Variants in SHISA9 observed in about 807,000 individuals in gnomAD.
The protein encoded by SHISA9 is shisa family member 9, also known as protein shisa-9.
Under a neutral mutation model 38.0 loss-of-function variants are expected in SHISA9, and 13 were observed. The ratio of observed to expected loss-of-function variants is 0.34; its 90% CI spans 0.22 to 0.54. SHISA9 has a LOEUF of 0.54. SHISA9 is among the 20% of genes least tolerant of loss of function. The pLI is 0.91. For synonymous variants in SHISA9, 275 were observed against 242.0 expected, an observed-to-expected ratio of 1.14 and a Z score of -1.27; for missense variants, 538 against 575.8, an observed-to-expected ratio of 0.93 and a Z score of 0.67.
chr16:13,076,029 A>ATT lies in SHISA9; in HGVS notation c.692-127347_692-127346dup, dbSNP rs35313169. ...AAAATCAACCCCCATTGAGAAATAG[A>ATT]TTTTTTTTTTTTTTTTTTTGAGATG... On this transcript the variant is annotated intron_variant, in intron 2 of 4. Coordinates refer to ENST00000558583, the MANE Select transcript of SHISA9 (RefSeq NM_001145204.3). Among the ~76,000 whole-genome samples, 601 of 135,474 alleles carry ATT rather than the reference A, an allele frequency of 4.4e-3. 4 individuals carry two copies. Among genetic ancestry groups the ATT allele is most frequent in the Non-Finnish European group, 4.3e-3 (270 of 62,718 alleles). The allele number at this position is 135,474 out of a possible 152,430, so 88.9% of individuals were successfully genotyped here.
At chr16:13,166,840 T>G (rs193269847) in intron 2 of SHISA9, among the ~76,000 whole-genome samples, 2 of 152,234 alleles carry the variant, frequency 1.3e-5, no homozygotes, top group African/African-American at 4.8e-5. Context: ...GAACACTCTA[T>G]CAAGATGCTT....
In SHISA9 at chr16:13,216,340, T is replaced by C. The variant is rs183127030; in HGVS notation, c.895+3040T>C. ...TTTCTGATCTGCAAAATGGAGACCA[T>C]CATATCACCTACCTCCTAGGTCGTT... On this transcript the variant is annotated intron_variant, in intron 4 of 4. Coordinates refer to ENST00000558583, the MANE Select transcript of SHISA9 (RefSeq NM_001145204.3). 2.0e-5 allele frequency among the ~76,000 whole-genome samples: 3 copies of C among 152,258 alleles called. No homozygotes were observed. In the East Asian group the frequency reaches 5.8e-4, roughly 29 times the overall value.
intron 4 of SHISA9, among the ~76,000 whole-genome samples, chr16:13,223,906 C>T (rs967617886): frequency 6.6e-6 from 1 of 152,150 alleles, no homozygotes; most frequent in African/African-American, 2.4e-5. Context: ...CAGGCAAAAG[C>T]TTCCATAAAT....
At chr16:13,344,327 A>G in the SHISA9 span, among the ~76,000 whole-genome samples, 1 of 152,156 alleles carries the variant, frequency 6.6e-6, no homozygotes, top group Non-Finnish European at 1.5e-5. Context: ...CAATTCATCT[A>G]CGAAAGGTTT....
chr16:13,124,232 T>C (rs2050237539), intron 2 of SHISA9, among the ~76,000 whole-genome samples: 1 of 152,212 alleles, frequency 6.6e-6, no homozygotes, highest in Admixed American at 6.5e-5. Context: ...ACAACATTGC[T>C]CACACTATTT....
chr16:13,307,438 A>C, the SHISA9 span, among the ~76,000 whole-genome samples: 1 of 152,166 alleles, frequency 6.6e-6, no homozygotes, highest in Non-Finnish European at 1.5e-5. Context: ...GTGAAAGGGG[A>C]TACGCTTTCT....
intron 1 of SHISA9, chr16:12,910,726 A>G: frequency 1.0e-6 from 1 of 985,110 alleles, no homozygotes; most frequent in Non-Finnish European, 1.2e-6. Context: ...TCTTCAGGTA[A>G]CTGCAAGAGA....
intron 2 of SHISA9, among the ~76,000 whole-genome samples, chr16:13,082,150 A>G (rs1016618600): frequency 2.0e-5 from 3 of 152,284 alleles, no homozygotes; most frequent in Non-Finnish European, 4.4e-5. Context: ...TATTTGAAGC[A>G]GTGTGAGGTA....
At position 13,019,882 on chromosome 16, in the gene SHISA9, CCCTTCTTTCTTTCTTTCTTTCTTTCTTT is replaced by C. The variant is rs1211004235; in HGVS notation, c.691+103069_691+103096del. Among the ~76,000 whole-genome samples, 121 of 20,380 alleles carry C rather than the reference CCCTTCTTTCTTTCTTTCTTTCTTTCTTT, an allele frequency of 5.9e-3. 7 individuals are homozygous for C. Among genetic ancestry groups the C allele is most frequent in the Non-Finnish European group, 6.7e-3 (70 of 10,454 alleles). The allele number at this position is 20,380 out of a possible 152,430, so 13.4% of individuals were successfully genotyped here. ...TCCCTCCCTCCCTCCCTCCCTCCCT[CCCTTCTTTCTTTCTTTCTTTCTTTCTTT>C]CTTTCTTTCTTTCTTTCTTTCTTTC... On this transcript the variant is annotated intron_variant, in intron 2 of 4. Transcript: ENST00000558583.
the SHISA9 span, among the ~76,000 whole-genome samples, chr16:13,295,306 C>T: frequency 5.3e-5 from 8 of 152,080 alleles, no homozygotes; most frequent in African/African-American, 1.4e-4. Flanking sequence ...ATTATCTGAC[C>T]GAAAGAGTTG....
chr16:13,351,640 T>C, the SHISA9 span, among the ~76,000 whole-genome samples: 2 of 152,184 alleles, frequency 1.3e-5, no homozygotes, highest in Non-Finnish European at 2.9e-5. Flanking sequence ...GAAAACTGCA[T>C]CTCCCCTTCT....
At chr16:13,229,283 G>A (rs916124790) in intron 4 of SHISA9, among the ~76,000 whole-genome samples, 2 of 152,214 alleles carry the variant, frequency 1.3e-5, no homozygotes, top group Non-Finnish European at 2.9e-5. Flanking sequence ...GATAATGAAT[G>A]AACTGCACAA....
chr16:12,918,660 G>A (rs999803076), intron 2 of SHISA9, among the ~76,000 whole-genome samples: 3 of 152,142 alleles, frequency 2.0e-5, no homozygotes, highest in South Asian at 4.1e-4. Flanking sequence ...TGATTCTTGC[G>A]TTTGGTCTAT....
chr16:13,513,946 TAACA>T, the SHISA9 span, among the ~76,000 whole-genome samples: 1 of 152,336 alleles, frequency 6.6e-6, no homozygotes, highest in East Asian at 1.9e-4. Flanking sequence ...TATACCTATG[TAACA>T]AACCTGCATG....
intron 2 of SHISA9, among the ~76,000 whole-genome samples, chr16:13,200,115 A>G (rs1424124019): frequency 6.6e-6 from 1 of 152,160 alleles, no homozygotes; most frequent in African/African-American, 2.4e-5. Context: ...CCAGAATTCC[A>G]GAGTGGGATT....
intron 2 of SHISA9, among the ~76,000 whole-genome samples, chr16:13,083,884 C>T (rs1429282443): frequency 6.6e-6 from 1 of 152,090 alleles, no homozygotes; most frequent in Admixed American, 6.6e-5. Context: ...GGCAGGGCAC[C>T]AACGGTATCC....
the SHISA9 span, among the ~76,000 whole-genome samples, chr16:13,538,854 A>C: frequency 6.6e-6 from 1 of 152,180 alleles, no homozygotes; most frequent in African/African-American, 2.4e-5. Flanking sequence ...TCACAGCTCC[A>C]CACAAAACTT....
chr16:13,259,954 C>G, the SHISA9 span, among the ~76,000 whole-genome samples: 1 of 148,016 alleles, frequency 6.8e-6, no homozygotes, highest in Non-Finnish European at 1.5e-5. Flanking sequence ...ATGCAAATTT[C>G]TACAGCCAGC....
At chr16:13,284,407 C>T in the SHISA9 span, among the ~76,000 whole-genome samples, 2 of 152,086 alleles carry the variant, frequency 1.3e-5, no homozygotes, top group African/African-American at 4.8e-5. Context: ...CTTTTAGTAT[C>T]TTGAATTCAG....
Sources: gnomAD v4.1 joint callset for allele counts (sites outside exome capture counted in the v4.1 genomes callset) on GRCh38, gnomAD v4.1.1 for gene constraint, MANE v1.5 for transcripts, NCBI Gene and HGNC (gene_info 2026-07-23, HGNC 2026-07-21) for gene names.